NCOA6: variants seen among roughly 807,000 people sequenced by gnomAD.
The protein encoded by NCOA6 is nuclear receptor coactivator 6.
Under a neutral mutation model 171.4 loss-of-function variants are expected in NCOA6, and 49 were observed. That is an observed-to-expected ratio of 0.29 (90% CI 0.23 to 0.36). The LOEUF (loss-of-function observed/expected upper bound fraction) is 0.36. Ranked by LOEUF, NCOA6 falls within the 10% of genes least tolerant of loss-of-function variation. NCOA6 has a pLI of 1.00. For missense variants in NCOA6, 2,248 were observed against 2,554.5 expected (o/e 0.88, Z 2.59); for synonymous variants, 910 against 927.5 (o/e 0.98, Z 0.34).
intron 1 of NCOA6, among the ~76,000 whole-genome samples, chr20:34,811,450 T>A (rs1424497722): frequency 6.6e-6 from 1 of 151,864 alleles, no homozygotes; most frequent in African/African-American, 2.4e-5. Flanking sequence ...TTCTTTATCA[T>A]CATGAGACTC....
intron 1 of NCOA6, among the ~76,000 whole-genome samples, chr20:34,822,639 CTT>C (rs1187763372): frequency 5.9e-5 from 9 of 152,166 alleles, no homozygotes. Flanking sequence ...GTGACTCTGC[CTT>C]AAAAACTTCT....
intron 1 of NCOA6, among the ~76,000 whole-genome samples, chr20:34,810,422 CA>C (rs2078614247): frequency 6.6e-6 from 1 of 152,022 alleles, no homozygotes; most frequent in African/African-American, 2.4e-5. Context: ...GTGAGAACTG[CA>C]AAAAACAAGC....
intron 11 of NCOA6, among the ~76,000 whole-genome samples, chr20:34,737,296 A>G (rs1291788080): frequency 1.3e-5 from 2 of 152,262 alleles, no homozygotes; most frequent in Non-Finnish European, 2.9e-5. Context: ...TAAATTTGAT[A>G]TGTTATTTAC....
rs181826821 is a variant in NCOA6, at chr20:34,741,305, C to T, written c.4951G>A (p.Ala1651Thr). The T allele has an allele frequency of 3.1e-6, 5 of 1,614,178 alleles. No individual in the cohort carries two copies. In the East Asian group the frequency reaches 6.7e-5, roughly 22 times the overall value. The part of the protein sequence containing the change: ...SEGQSAAQSN[A>T]RPQFITPVFI... The stretch of plus-strand genomic sequence containing the variant: ...ACAGGTGTAATGAACTGAGGCCGGG[C>T]ATTAGACTGAGCAGCTGACTGTCCC... Residue 1651 changes from alanine to threonine, a missense_variant, in exon 11 of 15, where the codon GCC becomes ACC. By Grantham distance (58) the Ala-to-Thr change is moderately conservative. Coordinates refer to ENST00000359003, the MANE Select transcript of NCOA6 (RefSeq NM_014071.5).
At chr20:34,732,757 A>G in intron 12 of NCOA6, 162 bp from the exon 13 acceptor site, 1 of 563,040 alleles carries the variant, frequency 1.8e-6, no homozygotes. Context: ...CACAGATACA[A>G]CTTGGTTTGT....
At chr20:34,815,955 G>A (rs756616414) in intron 1 of NCOA6, among the ~76,000 whole-genome samples, 6 of 151,986 alleles carry the variant, frequency 3.9e-5, no homozygotes, top group African/African-American at 9.7e-5. Flanking sequence ...TCAAAATTCC[G>A]CAGTGCCATC....
intron 8 of NCOA6, among the ~76,000 whole-genome samples, chr20:34,752,196 C>G (rs1279310516): frequency 6.6e-6 from 1 of 152,150 alleles, no homozygotes; most frequent in Admixed American, 6.5e-5. Flanking sequence ...AAATCCCCTA[C>G]AATGAAGTTA....
rs6141510 is a variant in NCOA6, at chr20:34,736,677, A to G, written c.5962+13T>C. ...CATCCCACTCCAAGAAGTTTTTCCA[A>G]AGTACGCCTTACCTGGTCTGGCAAC... On this transcript the variant is annotated intron_variant, in intron 12 of 14. Coordinates refer to ENST00000359003, the MANE Select transcript of NCOA6 (RefSeq NM_014071.5). The G allele has an allele frequency of 0.016, 24,880 of 1,596,430 alleles. 814 individuals carry two copies. Among genetic ancestry groups the G allele is most frequent in the East Asian group, 0.12 (5,540 of 44,426 alleles).
intron 5 of NCOA6, among the ~76,000 whole-genome samples, chr20:34,761,811 A>G (rs934383341): frequency 1.3e-5 from 2 of 152,034 alleles, no homozygotes; most frequent in Non-Finnish European, 2.9e-5. Context: ...ACACGCCACC[A>G]TGCCTGGCTA....
At chr20:34,799,278 T>C (rs1330447055) in intron 1 of NCOA6, among the ~76,000 whole-genome samples, 4 of 152,126 alleles carry the variant, frequency 2.6e-5, no homozygotes, top group African/African-American at 9.7e-5. Flanking sequence ...GACAGCCTCT[T>C]TGAAAATACA....
At chr20:34,812,638 T>A (rs1438266964) in intron 1 of NCOA6, among the ~76,000 whole-genome samples, 3 of 151,258 alleles carry the variant, frequency 2.0e-5, no homozygotes, top group Admixed American at 6.6e-5. Flanking sequence ...CGTTGTTACA[T>A]AAAAAAAACA....
intron 14 of NCOA6, among the ~76,000 whole-genome samples, chr20:34,720,633 G>A (rs111768661): frequency 1.3e-5 from 2 of 152,178 alleles, no homozygotes; most frequent in African/African-American, 4.8e-5. Context: ...GTTTGCATAT[G>A]ATATATATGA....
intron 2 of NCOA6, among the ~76,000 whole-genome samples, chr20:34,790,440 C>T (rs1423968870): frequency 1.3e-5 from 2 of 151,794 alleles, no homozygotes; most frequent in Admixed American, 6.6e-5. Flanking sequence ...CTGTAAGCTC[C>T]GCCTCCCAGG....
At chr20:34,737,028 T>C (rs1357835313) in intron 11 of NCOA6, among the ~76,000 whole-genome samples, 11 of 152,144 alleles carry the variant, frequency 7.2e-5, no homozygotes, top group Admixed American at 5.9e-4. Flanking sequence ...TATAAGAACA[T>C]AGCACTCACA....
chr20:34,806,963 G>C (rs1254080008), intron 1 of NCOA6, among the ~76,000 whole-genome samples: 1 of 152,136 alleles, frequency 6.6e-6, no homozygotes, highest in East Asian at 1.9e-4. Flanking sequence ...TTGTAAAATG[G>C]CCACCAATTA....
In NCOA6 at chr20:34,749,426, C is replaced by T. The variant is rs1431030252; in HGVS notation, c.2769G>A (p.Lys923=). 8 of 1,604,068 alleles carry T rather than the reference C, an allele frequency of 5.0e-6. No individual in the cohort carries two copies. Among genetic ancestry groups the T allele is most frequent in the Non-Finnish European group, 6.8e-6 (8 of 1,174,074 alleles). ...KPKKKKPPRK[K]KNSQQDLNTP... is the part of the protein sequence containing the mutation. The stretch of plus-strand genomic sequence containing the variant: ...ACTTTAGATCTTGCTGACTATTTTT[C>T]TTCTTCCGAGGGGGTTTCTTCTTCT... Residue 923 remains lysine (K), a synonymous_variant, in exon 9 of 15, where the codon AAG becomes AAA. Coordinates refer to ENST00000359003, the MANE Select transcript of NCOA6 (RefSeq NM_014071.5).
chr20:34,743,502 G>A (rs2076214541), intron 10 of NCOA6, among the ~76,000 whole-genome samples, 161 bp from the exon 11 acceptor site: 1 of 152,146 alleles, frequency 6.6e-6, no homozygotes, highest in African/African-American at 2.4e-5. Context: ...CTCATTACTT[G>A]ACATAAGCAA....
At position 34,727,265 on chromosome 20, in the gene NCOA6, T is replaced by C; in HGVS notation, c.6142A>G (p.Thr2048Ala). ...SSRPASASSS[T>A]KDITSAVQSK... ...CCCACATCCCACTGCTAACCTTTAG[T>C]AGAGCTGGAGGCTGAAGCAGGTCGA... is the stretch of plus-strand genomic sequence containing the variant. Residue 2048 changes from threonine (T) to alanine (A), a missense_variant, in exon 14 of 15, where the codon ACT becomes GCT. By Grantham distance (58) the Thr-to-Ala change is moderately conservative (BLOSUM62 0). This residue lies in a region of NCOA6 where 884 missense variants were observed against 941.9 expected (regional missense o/e 0.94). Transcript: ENST00000359003. The C allele has an allele frequency of 1.2e-6, 2 of 1,614,146 alleles. No homozygotes were observed. Among genetic ancestry groups the C allele is most frequent in the Non-Finnish European group, 1.7e-6 (2 of 1,180,010 alleles).
intron 1 of NCOA6, among the ~76,000 whole-genome samples, chr20:34,811,013 T>TG (rs2078639951): frequency 6.6e-6 from 1 of 151,420 alleles, no homozygotes; most frequent in Admixed American, 6.6e-5. Flanking sequence ...GGCTGAGCAT[T>TG]GCAGAGTGGG....
Sources: allele counts gnomAD v4.1 joint callset (sites outside exome capture counted in the v4.1 genomes callset), GRCh38; gene constraint gnomAD v4.1.1; regional missense constraint gnomAD v4.1.1; transcripts MANE v1.5; gene names NCBI Gene and HGNC (gene_info 2026-07-23, HGNC 2026-07-21).